INO80D: variants seen among roughly 807,000 people sequenced by gnomAD.
INO80D encodes INO80 complex subunit D.
A neutral mutation model predicts 87.6 loss-of-function variants in INO80D; 21 were observed. That is an observed-to-expected ratio of 0.24 (90% CI 0.17 to 0.35). INO80D has a LOEUF of 0.35. Ranked by LOEUF, INO80D falls within the 10% of genes least tolerant of loss-of-function variation. The probability of loss-of-function intolerance (pLI) is 1.00; values close to 1 mark genes in which losing one functional copy is unlikely to be tolerated. For synonymous variants in INO80D, 440 were observed against 491.0 expected (o/e 0.90, Z 1.37); for missense variants, 982 against 1,280.7 (o/e 0.77, Z 3.56).
At chr2:206,037,190 G>A (rs2105848491) in intron 5 of INO80D, among the ~76,000 whole-genome samples, 1 of 152,250 alleles carries the variant, frequency 6.6e-6, no homozygotes, top group Non-Finnish European at 1.5e-5. Context: ...AATGATACCT[G>A]TGAAGTAACA....
intron 9 of INO80D, 147 bp downstream of exon 9, chr2:206,009,430 C>T (rs1688110851): frequency 7.7e-6 from 5 of 646,490 alleles, no homozygotes; most frequent in Non-Finnish European, 1.3e-5. Context: ...GTAAAATTTG[C>T]ACCAAAAACT....
At chr2:206,031,585 C>A (rs929372920) in intron 5 of INO80D, among the ~76,000 whole-genome samples, 1 of 152,244 alleles carries the variant, frequency 6.6e-6, no homozygotes, top group African/African-American at 2.4e-5. Context: ...CATGGCCCTG[C>A]CTGCCTCCTG....
At chr2:206,054,183 C>CTT (rs571731107) in intron 4 of INO80D, among the ~76,000 whole-genome samples, 2,626 of 140,188 alleles carry the variant, frequency 0.019, 28 homozygotes, top group Non-Finnish European at 0.029. Flanking sequence ...CTTTTCTTTT[C>CTT]TTTTTTTTTT....
intron 1 of INO80D, among the ~76,000 whole-genome samples, chr2:206,071,550 ACT>A (rs1444449492): frequency 7.2e-6 from 1 of 137,980 alleles, no homozygotes; most frequent in East Asian, 2.1e-4. Flanking sequence ...CCTATCTGTC[ACT>A]CTCTCTCTAG....
chr2:206,056,304 T>G lies in INO80D; in HGVS notation c.858A>C (p.Lys286Asn). 3 of 1,614,000 alleles carry G rather than the reference T, an allele frequency of 1.9e-6. No homozygotes were observed. Among genetic ancestry groups the G allele is most frequent in the Non-Finnish European group, 2.5e-6 (3 of 1,179,882 alleles). The part of the protein sequence containing the change: ...DPPRTDRILM[K>N]ATAFSPHFSC... ...AGAAGTGTGGAGAGAAGGCTGTGGC[T>G]TTCATGAGGATCCGGTCAGTCCTGG... is the stretch of plus-strand genomic sequence containing the variant. The change falls in exon 4 of 11, where the codon AAA (lysine) becomes AAC (asparagine). Residue 286 changes from lysine to asparagine, a missense_variant. Transcript: ENST00000403263.
chr2:206,031,671 A>C (rs1688770518), intron 5 of INO80D, among the ~76,000 whole-genome samples: 1 of 152,190 alleles, frequency 6.6e-6, no homozygotes, highest in Non-Finnish European at 1.5e-5. Context: ...AGTGATCATC[A>C]TGGCCGATGA....
At chr2:206,073,492 G>A (rs1202253817) in intron 1 of INO80D, among the ~76,000 whole-genome samples, 3 of 151,816 alleles carry the variant, frequency 2.0e-5, no homozygotes, top group Non-Finnish European at 2.9e-5. Context: ...AAATACTATC[G>A]CATTTTCTTT....
At chr2:206,042,210 G>T (rs773819531) in intron 5 of INO80D, among the ~76,000 whole-genome samples, 8 of 152,066 alleles carry the variant, frequency 5.3e-5, no homozygotes, top group Non-Finnish European at 8.8e-5. Flanking sequence ...GTGTTTAGAG[G>T]GAAGTGTATA....
intron 4 of INO80D, among the ~76,000 whole-genome samples, chr2:206,054,287 G>A (rs1689455590): frequency 6.6e-6 from 1 of 151,282 alleles, no homozygotes; most frequent in South Asian, 2.1e-4. Context: ...CTCCCAAAGT[G>A]CTAGGATTAT....
chr2:206,080,879 G>A, intron 1 of INO80D, among the ~76,000 whole-genome samples: 1 of 139,538 alleles, frequency 7.2e-6, no homozygotes, highest in East Asian at 2.0e-4. Flanking sequence ...CTCCAGCCTG[G>A]GCGACAGAGT....
intron 6 of INO80D, among the ~76,000 whole-genome samples, chr2:206,027,744 A>C (rs1218232929): frequency 6.6e-6 from 1 of 152,140 alleles, no homozygotes; most frequent in Non-Finnish European, 1.5e-5. Flanking sequence ...AAAGAAACTA[A>C]AATAACACAT....
intron 1 of INO80D, among the ~76,000 whole-genome samples, chr2:206,064,970 A>G (rs1159322326): frequency 6.6e-6 from 1 of 152,190 alleles, no homozygotes; most frequent in Non-Finnish European, 1.5e-5. Context: ...AATGTAAGAA[A>G]AAAAAGTTGG....
At chr2:206,019,708 T>A (rs772183701) in intron 7 of INO80D, 28 bp downstream of exon 7, 8 of 1,559,832 alleles carry the variant, frequency 5.1e-6, no homozygotes, top group Non-Finnish European at 7.1e-6. Context: ...ACTTTTTCAA[T>A]GCACATTCCA....
rs533754903 is a variant in INO80D at position 206,014,583 on chromosome 2, G to A, written c.1542+3097C>T. On this transcript the variant is annotated intron_variant, in intron 8 of 10. Transcript: ENST00000403263. ...GACTTGTCCCTCCTTGCCTTCTGCCGTGATTGTGAGGCCTCCCCAGCCACG... is the reference window on the plus strand; with the variant it reads ...GACTTGTCCCTCCTTGCCTTCTGCCATGATTGTGAGGCCTCCCCAGCCACG... 5.9e-5 allele frequency among the ~76,000 whole-genome samples: 9 copies of A among 152,142 alleles called. No individual in the cohort carries two copies. In the South Asian group the frequency reaches 1.0e-3, roughly 18 times the overall value.
intron 1 of INO80D, among the ~76,000 whole-genome samples, chr2:206,082,505 A>C (rs184334540): frequency 2.0e-3 from 307 of 152,144 alleles, no homozygotes; most frequent in African/African-American, 7.0e-3. Flanking sequence ...TCTGGGACAA[A>C]CTCTTGCTTG....
intron 5 of INO80D, among the ~76,000 whole-genome samples, chr2:206,033,570 C>G (rs1688822277): frequency 6.6e-6 from 1 of 152,100 alleles, no homozygotes; most frequent in Non-Finnish European, 1.5e-5. Flanking sequence ...ATGAAAACCT[C>G]TTGGATACAG....
chr2:206,053,985 G>A (rs1226750532), intron 4 of INO80D, among the ~76,000 whole-genome samples: 7 of 151,464 alleles, frequency 4.6e-5, no homozygotes, highest in African/African-American at 9.7e-5. Context: ...GATTACAGGC[G>A]CACACCACCA....
At chr2:206,076,067 A>C (rs1690108400) in intron 1 of INO80D, among the ~76,000 whole-genome samples, 1 of 149,284 alleles carries the variant, frequency 6.7e-6, no homozygotes, top group Non-Finnish European at 1.5e-5. Context: ...AAAAAAAAAA[A>C]ACCTAGTGTG....
chr2:206,046,910 A>G (rs1223906570), intron 4 of INO80D, among the ~76,000 whole-genome samples: 1 of 151,816 alleles, frequency 6.6e-6, no homozygotes, highest in African/African-American at 2.4e-5. Context: ...CCTCCCGAGT[A>G]GCCAGGACTA....
Sources: gnomAD v4.1 joint callset for allele counts (sites outside exome capture counted in the v4.1 genomes callset) on GRCh38, gnomAD v4.1.1 for gene constraint, MANE v1.5 for transcripts, NCBI Gene and HGNC (gene_info 2026-07-23, HGNC 2026-07-21) for gene names.